The following SYMPK variants were observed in gnomAD, a reference collection of about 807,000 sequenced individuals.
SYMPK encodes symplekin scaffold protein, also known as symplekin.
A neutral mutation model predicts 136.4 loss-of-function variants in SYMPK; 49 were observed. The observed-to-expected ratio is 0.36, with a 90% CI of 0.29 to 0.46. The LOEUF (loss-of-function observed/expected upper bound fraction) is 0.46. Among genes scored for constraint, SYMPK ranks in the 20% least tolerant of loss-of-function variants. The pLI is 1.00. For missense variants in SYMPK, 1,365 were observed against 1,690.0 expected (o/e 0.81, Z 3.37); for synonymous variants, 766 against 713.0 (o/e 1.07, Z -1.19).
chr19:45,849,921 T>C (rs1473943310), intron 5 of SYMPK, among the ~76,000 whole-genome samples: 1 of 152,110 alleles, frequency 6.6e-6, no homozygotes, highest in Non-Finnish European at 1.5e-5. Context: ...GGCGGGCACC[T>C]GTAACTCCAG....
At position 45,830,185 on chromosome 19, in the gene SYMPK, G is replaced by A. The variant is rs753571078; in HGVS notation, c.1618C>T (p.Arg540Cys). The A allele has an allele frequency of 1.4e-5, 23 of 1,610,076 alleles. No individual in the cohort carries two copies. The highest frequency in any genetic ancestry group is 1.3e-5 in the African/African-American group (1 of 74,976). ...TCGCTGAGACGGAAAATTTTCTTGCGCCCACCAGCGCCTGCCAGCCTGTGT... is the reference window on the plus strand; with the variant it reads ...TCGCTGAGACGGAAAATTTTCTTGCACCCACCAGCGCCTGCCAGCCTGTGT... ...TQPRLAGAGGRKKIFRLSDVL... is the reference protein window; with the variant it reads ...TQPRLAGAGGCKKIFRLSDVL... Residue 540 changes from arginine to cysteine, a missense_variant, in exon 13 of 27, where the codon CGC (arginine) becomes TGC (cysteine). Coordinates refer to ENST00000245934, the MANE Select transcript of SYMPK (RefSeq NM_004819.3).
Position 45,838,374 on chromosome 19 carries a change from G to C in SYMPK, c.1242+87C>G, listed in dbSNP as rs1199807947. ...TAATTAGGAGGGTACTCTGGAGGAG[G>C]TGGATGGTGTGAAGTGGAGGCAGGT... On this transcript the variant is annotated intron_variant, in intron 10 of 26. Transcript: ENST00000245934. The C allele has an allele frequency of 1.7e-5, 25 of 1,459,260 alleles. No individual in the cohort carries two copies. In the East Asian group the frequency reaches 5.6e-4, roughly 33 times the overall value. The allele number at this position is 1,459,260 out of a possible 1,614,324, so 90.4% of individuals were successfully genotyped here.
At chr19:45,840,778 G>C (rs957938422) in intron 9 of SYMPK, among the ~76,000 whole-genome samples, 2 of 151,836 alleles carry the variant, frequency 1.3e-5, no homozygotes, top group Admixed American at 6.6e-5. Flanking sequence ...GGGAGACAGA[G>C]GCTGCAGTGA....
At chr19:45,842,737 C>T (rs1466192569) in intron 8 of SYMPK, 4 of 490,558 alleles carry the variant, frequency 8.2e-6, no homozygotes, top group Non-Finnish European at 1.4e-5. Context: ...CATACAATTT[C>T]GTCCTCCTCC....
At chr19:45,818,391 G>C (rs1970806544) in intron 22 of SYMPK, among the ~76,000 whole-genome samples, 1 of 152,224 alleles carries the variant, frequency 6.6e-6, no homozygotes, top group Non-Finnish European at 1.5e-5. Flanking sequence ...CCCAAAATGG[G>C]TGGAACAGGG....
chr19:45,835,034 CA>C (rs775152660), intron 11 of SYMPK, 43 bp downstream of exon 11: 1 of 1,467,064 alleles, frequency 6.8e-7, no homozygotes, highest in Non-Finnish European at 9.1e-7. Flanking sequence ...CCAGAAGCCA[CA>C]AGTGCCAATC....
At chr19:45,822,019 C>T (rs1172804077) in intron 21 of SYMPK, among the ~76,000 whole-genome samples, 5 of 151,858 alleles carry the variant, frequency 3.3e-5, no homozygotes, top group Admixed American at 2.0e-4. Flanking sequence ...CCAGGGTCTG[C>T]GTGGAACAGA....
In SYMPK at chr19:45,831,665, GCT is replaced by G. The variant is rs1471195962; in HGVS notation, c.1394-79_1394-78del. On this transcript the variant is annotated intron_variant, in intron 11 of 26. Coordinates refer to ENST00000245934, the MANE Select transcript of SYMPK (RefSeq NM_004819.3). ...AACCCGAGGACCTCCTGTGTGCCTGGCTCTGTTCTGAGCCCTGTACACACAAA... is the reference window on the plus strand; with the variant it reads ...AACCCGAGGACCTCCTGTGTGCCTGGCTGTTCTGAGCCCTGTACACACAAA... The G allele has an allele frequency of 2.2e-5, 28 of 1,283,846 alleles. No individual in the cohort carries two copies. In the Admixed American group the frequency reaches 4.0e-4, roughly 18 times the overall value. The allele number at this position is 1,283,846 out of a possible 1,614,324, so 79.5% of individuals were successfully genotyped here. A position where few individuals can be genotyped will look rare whatever the true frequency, so the allele number is the denominator to read the frequency against.
In SYMPK at chr19:45,815,454, G is replaced by A. The variant is rs1031119811; in HGVS notation, c.*106C>T. 1 of 1,162,872 alleles carries A rather than the reference G, an allele frequency of 8.6e-7. No individual in the cohort carries two copies. The highest frequency in any genetic ancestry group is 1.2e-6 in the Non-Finnish European group (1 of 855,958). The allele number at this position is 1,162,872 out of a possible 1,614,324, so 72.0% of individuals were successfully genotyped here. ...TTTTTCTTTTCAGTAACTTGCCCAA[G>A]TTCACATCTTTTATTTCTTTTTAAG... On this transcript the variant is annotated 3_prime_UTR_variant, in exon 27 of 27. Transcript: ENST00000245934.
intron 1 of SYMPK, among the ~76,000 whole-genome samples, chr19:45,858,761 C>T (rs1971892601): frequency 6.6e-6 from 1 of 152,110 alleles, no homozygotes; most frequent in African/African-American, 2.4e-5. Flanking sequence ...GTGATTCGCC[C>T]GCCTTGGCCT....
At chr19:45,822,734 G>C in intron 21 of SYMPK, 22 bp downstream of exon 21, 1 of 1,608,662 alleles carries the variant, frequency 6.2e-7, no homozygotes, top group East Asian at 2.2e-5. Flanking sequence ...CCTCTTGGTG[G>C]GGATGAGGCT....
intron 14 of SYMPK, 130 bp downstream of exon 14, chr19:45,828,840 C>T (rs2146312078): frequency 1.2e-6 from 1 of 864,990 alleles, no homozygotes; most frequent in Non-Finnish European, 1.8e-6. Context: ...GGAGAGGAGA[C>T]TTGGGATGGG....
chr19:45,819,002 A>AGC (rs1555792910), intron 22 of SYMPK: 1 of 137,098 alleles, frequency 7.3e-6, no homozygotes, highest in Non-Finnish European at 1.6e-5. Flanking sequence ...GGGGTCTCTA[A>AGC]GGGGGGGGGC....
At chr19:45,824,910 G>A (rs552429025) in intron 18 of SYMPK, among the ~76,000 whole-genome samples, 1 of 152,274 alleles carries the variant, frequency 6.6e-6, no homozygotes, top group South Asian at 2.1e-4. Flanking sequence ...TTTTACTGAC[G>A]GGCCCAAGGT....
rs1972013893 is a variant in SYMPK at position 45,863,063 on chromosome 19, C to T, written c.-18G>A. On this transcript the variant is annotated 5_prime_UTR_variant, in exon 1 of 27. Coordinates refer to ENST00000245934, the MANE Select transcript of SYMPK (RefSeq NM_004819.3). The stretch of plus-strand genomic sequence containing the variant: ...AAACGCCGCCTCCCGCTCACCGCAG[C>T]TCTGGCCTCCGTTCCCCTCGCGCCC... 3 of 401,712 alleles carry T rather than the reference C, an allele frequency of 7.5e-6. No homozygotes were observed. The highest frequency in any genetic ancestry group is 2.0e-5 in the African/African-American group (1 of 48,846). The allele number at this position is 401,712 out of a possible 1,614,324, so 24.9% of individuals were successfully genotyped here. A position where few individuals can be genotyped will look rare whatever the true frequency, so the allele number is the denominator to read the frequency against.
chr19:45,816,177 G>T lies in SYMPK; in HGVS notation c.3361C>A (p.Leu1121Met). The T allele has an allele frequency of 6.5e-7, 1 of 1,535,124 alleles. No individual in the cohort carries two copies. ...APAGPLEEDD[L>M]EPLTLAPAPA... is the part of the protein sequence containing the mutation. ...GCCGGGGCCAAGGTCAGGGGCTCCA[G>T]ATCATCCTGGGGATAGGGAGGGCCA... Residue 1121 changes from leucine (L) to methionine (M), a missense_variant, in exon 26 of 27, where the codon CTG becomes ATG. Around this residue, in one of 11 missense-constraint regions of SYMPK, gnomAD observed 341 missense variants for 270.5 expected, o/e 1.26. Coordinates refer to ENST00000245934, the MANE Select transcript of SYMPK (RefSeq NM_004819.3).
In SYMPK at chr19:45,838,511, T is replaced by C; in HGVS notation, c.1192A>G (p.Thr398Ala). 6.2e-7 allele frequency: 1 copy of C among 1,614,114 alleles called. No individual in the cohort carries two copies. The highest frequency in any genetic ancestry group is 8.5e-7 in the Non-Finnish European group (1 of 1,180,012). The change falls in exon 10 of 27, where the codon ACA (threonine) becomes GCA (alanine). Residue 398 changes from threonine to alanine, a missense_variant. Thr to Ala is a moderately conservative substitution (Grantham distance 58, BLOSUM62 0). Transcript: ENST00000245934. ...QISGQSDTDI[T>A]AEFLQPLLTP... The stretch of plus-strand genomic sequence containing the variant: ...AGCAGAGGCTGCAGGAACTCAGCTG[T>C]GATGTCCGTGTCTGACTGGCCGGAG...
intron 7 of SYMPK, among the ~76,000 whole-genome samples, chr19:45,847,492 C>T (rs1568622855): frequency 6.6e-6 from 1 of 151,712 alleles, no homozygotes; most frequent in Non-Finnish European, 1.5e-5. Context: ...AACTTCACTA[C>T]AAACCTGTGA....
intron 12 of SYMPK, 87 bp from the exon 13 acceptor site, chr19:45,830,291 T>C (rs1971137770): frequency 1.4e-6 from 2 of 1,456,350 alleles, no homozygotes; most frequent in Admixed American, 2.0e-5. Context: ...AAGGACTAGG[T>C]AGGCAACAGA....
Sources: gnomAD v4.1 joint callset for allele counts (sites outside exome capture counted in the v4.1 genomes callset) on GRCh38, gnomAD v4.1.1 for gene constraint, gnomAD v4.1.1 regional missense constraint, MANE v1.5 for transcripts, NCBI Gene and HGNC (gene_info 2026-07-23, HGNC 2026-07-21) for gene names.